Variants in OR6K3 observed in about 807,000 individuals in gnomAD.
The protein encoded by OR6K3 is olfactory receptor family 6 subfamily K member 3, also known as olfactory receptor 6K3.
For synonymous variants in OR6K3, 169 were observed against 137.7 expected, an observed-to-expected ratio of 1.23 and a Z score of -1.59; for missense variants, 396 against 382.5, an observed-to-expected ratio of 1.04 and a Z score of -0.29.
chr1:158,722,285 A>AT (rs1656296834), upstream of OR6K3, among the ~76,000 whole-genome samples: 1 of 152,036 alleles, frequency 6.6e-6, no homozygotes, highest in African/African-American at 2.4e-5. Context: ...GCAAATATGG[A>AT]AATATCTGCC....
chr1:158,724,825 G>A (rs769360469), upstream of OR6K3: 38 of 219,266 alleles, frequency 1.7e-4, 1 homozygote, highest in Middle Eastern at 7.3e-3. Context: ...GAGCATCTTG[G>A]GAATTGTGGC....
intron 1 of OR6K3, among the ~76,000 whole-genome samples, chr1:158,720,042 G>A (rs1397281280): frequency 6.6e-6 from 1 of 151,990 alleles, no homozygotes; most frequent in African/African-American, 2.4e-5. Flanking sequence ...TATCTCTAGA[G>A]ACACATTCTA....
chr1:158,720,812 G>A (rs1433240101), upstream of OR6K3: 1 of 151,930 alleles, frequency 6.6e-6, no homozygotes, highest in Non-Finnish European at 1.5e-5. Flanking sequence ...AAGGGAACTG[G>A]GCTCTGTGGA....
upstream of OR6K3, among the ~76,000 whole-genome samples, chr1:158,723,430 G>A (rs1324047696): frequency 6.6e-6 from 1 of 151,918 alleles, no homozygotes; most frequent in Admixed American, 6.6e-5. Context: ...TCCTAAGCAT[G>A]AGTTTTTGTT....
In OR6K3 at chr1:158,717,354, T is replaced by G. The variant is rs574762371; in HGVS notation, c.762A>C (p.Val254=). Residue 254 remains valine (V), a synonymous_variant, in exon 2 of 2, where the codon GTA becomes GTC. Transcript: ENST00000368145. The part of the protein sequence containing the change: ...LMVFPIFFGS[V]SLMYLRFSDT... ...CGCTGAAACGCAAGTACATGAGTGA[T>G]ACACTGCCAAAGAATATCGGGAAGA... 6.2e-7 allele frequency: 1 copy of G among 1,613,746 alleles called. No individual in the cohort carries two copies. The highest frequency in any genetic ancestry group is 1.3e-5 in the African/African-American group (1 of 75,002).
chr1:158,723,205 T>C (rs896423686), upstream of OR6K3, among the ~76,000 whole-genome samples: 4 of 148,806 alleles, frequency 2.7e-5, no homozygotes, highest in Non-Finnish European at 4.5e-5. Context: ...GTTCAAATGA[T>C]ATATATTTCT....
chr1:158,717,807 G>A lies in OR6K3; in HGVS notation c.309C>T (p.Phe103=), dbSNP rs542436986. 3.2e-5 allele frequency: 51 copies of A among 1,613,832 alleles called. No homozygotes were observed. The highest frequency in any genetic ancestry group is 4.0e-5 in the African/African-American group (3 of 75,006). Residue 103 remains phenylalanine (F), a synonymous_variant, in exon 2 of 2, where the codon TTC becomes TTT. Transcript: ENST00000368145. ...CCTCTGAGTTTTCAAGTGAGTGGAA[G>A]AAATACATCTGCAAGATGCAGCCAG... ...SMTGCILQMY[F]FHSLENSEGI...
At chr1:158,720,216 T>C (rs1188167175) in intron 1 of OR6K3, among the ~76,000 whole-genome samples, 2 of 152,064 alleles carry the variant, frequency 1.3e-5, no homozygotes, top group South Asian at 2.1e-4. Flanking sequence ...CTCTAGACTA[T>C]AGGTTTCTCC....
chr1:158,722,185 G>A (rs1460105101), upstream of OR6K3, among the ~76,000 whole-genome samples: 1 of 151,990 alleles, frequency 6.6e-6, no homozygotes, highest in East Asian at 1.9e-4. Flanking sequence ...TTTAAAGAAG[G>A]CAATCTGTGT....
chr1:158,723,580 T>C (rs1317306618), upstream of OR6K3, among the ~76,000 whole-genome samples: 1 of 151,982 alleles, frequency 6.6e-6, no homozygotes, highest in Non-Finnish European at 1.5e-5. Context: ...TTGCATGGAG[T>C]AAGTCATTTA....
In OR6K3 at chr1:158,717,619, A is replaced by G; in HGVS notation, c.497T>C (p.Leu166Pro). ...GATTTGGTTGGGCCCACAGAAAGGCAGTGTGGAAATCATCACAATCTCGGG... is the reference window on the plus strand; with the variant it reads ...GATTTGGTTGGGCCCACAGAAAGGCGGTGTGGAAATCATCACAATCTCGGG... The part of the protein sequence containing the change: ...LLPEIVMIST[L>P]PFCGPNQIHQ... Residue 166 changes from leucine (L) to proline (P), a missense_variant, in exon 2 of 2, where the codon CTG (leucine) becomes CCG (proline). Physicochemically the swap from Leu to Pro is moderately conservative, Grantham distance 98 (BLOSUM62 -3). Coordinates refer to ENST00000368145, the MANE Select transcript of OR6K3 (RefSeq NM_001005327.3). 5 of 1,613,836 alleles carry G rather than the reference A, an allele frequency of 3.1e-6. No individual in the cohort carries two copies. The highest frequency in any genetic ancestry group is 1.1e-5 in the South Asian group (1 of 91,080).
rs1228375623 is a variant in OR6K3 at position 158,716,428 on chromosome 1, G to A, written c.*740C>T. 2.7e-4 allele frequency: 41 copies of A among 151,906 alleles called. No individual in the cohort carries two copies. Among genetic ancestry groups the A allele is most frequent in the Admixed American group, 2.7e-3 (41 of 15,230 alleles). 9.4% of individuals were successfully genotyped at this position (151,906 alleles called of 1,614,324 possible). A position where few individuals can be genotyped will look rare whatever the true frequency, so the allele number is the denominator to read the frequency against. ...TATAACTTAATTAAATGTTGTTTGG[G>A]CTTTTTCTTAGATCTCTATTTCTGG... On this transcript the variant is annotated 3_prime_UTR_variant, in exon 2 of 2. Transcript: ENST00000368145.
upstream of OR6K3, chr1:158,720,821 G>A (rs540181270): frequency 6.6e-6 from 1 of 152,116 alleles, no homozygotes; most frequent in Admixed American, 6.6e-5. Context: ...GGGCTCTGTG[G>A]AGGATTCTTC....
At chr1:158,720,653 T>A (rs1656263881) in intron 1 of OR6K3, 30 bp downstream of exon 1, 2 of 151,904 alleles carry the variant, frequency 1.3e-5, no homozygotes, top group South Asian at 2.1e-4. Context: ...ATGAATTCGG[T>A]CTCTTTATGA....
intron 1 of OR6K3, among the ~76,000 whole-genome samples, chr1:158,719,530 T>C (rs1332063383): frequency 6.6e-6 from 1 of 152,028 alleles, no homozygotes; most frequent in Non-Finnish European, 1.5e-5. Flanking sequence ...ATCACAGTTC[T>C]CTCCTGTTTG....
At chr1:158,721,619 G>T (rs1208643859), upstream of OR6K3, among the ~76,000 whole-genome samples, 3 of 151,474 alleles carry the variant, frequency 2.0e-5, no homozygotes. Context: ...AAAACAGTCT[G>T]TTTTGATCCC....
At chr1:158,721,016 A>G (rs73013607), upstream of OR6K3, among the ~76,000 whole-genome samples, 1 of 151,966 alleles carries the variant, frequency 6.6e-6, no homozygotes, top group East Asian at 1.9e-4. Context: ...TGATTGTCTC[A>G]GCTGTTCTTG....
intron 1 of OR6K3, among the ~76,000 whole-genome samples, chr1:158,719,437 T>C (rs1236263969): frequency 2.0e-5 from 3 of 151,976 alleles, no homozygotes; most frequent in African/African-American, 4.8e-5. Flanking sequence ...ACTATCTGAC[T>C]CTTAACTCTC....
At position 158,718,006 on chromosome 1, in the gene OR6K3, A is replaced by G. The variant is rs138237790; in HGVS notation, c.110T>C (p.Phe37Ser). ...YFFPLLFIYTFIIIDNLLIFS... is the reference protein window; with the variant it reads ...YFFPLLFIYTSIIIDNLLIFS... Reference sequence around the variant, plus strand: ...GATTAATAAGTTATCAATGATAATAAAAGTATAGATGAAAAGTAAAGGAAA... The same window carrying G: ...GATTAATAAGTTATCAATGATAATAGAAGTATAGATGAAAAGTAAAGGAAA... Residue 37 changes from phenylalanine to serine, a missense_variant, in exon 2 of 2, where the codon TTT (phenylalanine) becomes TCT (serine). By Grantham distance (155) the Phe-to-Ser change is radical (BLOSUM62 -2). Transcript: ENST00000368145. 3 of 1,612,614 alleles carry G rather than the reference A, an allele frequency of 1.9e-6. No homozygotes were observed. The East Asian group carries it at 6.7e-5, about 36-fold the overall frequency.
Sources: gnomAD v4.1 joint callset for allele counts (sites outside exome capture counted in the v4.1 genomes callset) on GRCh38, gnomAD v4.1.1 for gene constraint, MANE v1.5 for transcripts, NCBI Gene and HGNC (gene_info 2026-07-23, HGNC 2026-07-21) for gene names.